Variants in ATXN1 observed in about 807,000 individuals in gnomAD.
The protein encoded by ATXN1 is ataxin-1.
Under a neutral mutation model 56.4 loss-of-function variants are expected in ATXN1, and 8 were observed. The observed-to-expected ratio is 0.14, with a 90% confidence interval of 0.08 to 0.26. The LOEUF (loss-of-function observed/expected upper bound fraction) is 0.26. Ranked by LOEUF, ATXN1 falls within the 10% of genes least tolerant of loss-of-function variation. The probability of loss-of-function intolerance (pLI) is 1.00; values close to 1 mark genes in which losing one functional copy is unlikely to be tolerated. For missense variants in ATXN1, 987 were observed against 1,106.5 expected (o/e 0.89, Z 1.53); for synonymous variants, 514 against 494.6 (o/e 1.04, Z -0.52).
At chr6:16,504,612 G>C (rs1412400319) in intron 5 of ATXN1, among the ~76,000 whole-genome samples, 3 of 152,024 alleles carry the variant, frequency 2.0e-5, no homozygotes. Flanking sequence ...CTCACACTTG[G>C]AGAAGCAAAA....
chr6:16,416,337 G>T (rs1329060989), intron 6 of ATXN1, among the ~76,000 whole-genome samples: 1 of 152,168 alleles, frequency 6.6e-6, no homozygotes, highest in Non-Finnish European at 1.5e-5. Flanking sequence ...ATCTAAATTA[G>T]AGAGATTTTA....
intron 3 of ATXN1, among the ~76,000 whole-genome samples, chr6:16,602,588 A>C (rs1337224325): frequency 6.6e-6 from 1 of 151,906 alleles, no homozygotes; most frequent in Non-Finnish European, 1.5e-5. Context: ...AGTAGCTGGG[A>C]CTACAGGCGC....
chr6:16,346,233 T>C (rs1483554509), intron 6 of ATXN1, among the ~76,000 whole-genome samples: 1 of 152,082 alleles, frequency 6.6e-6, no homozygotes, highest in Non-Finnish European at 1.5e-5. Flanking sequence ...TTTTTGTACT[T>C]TTTTCAGACA....
intron 4 of ATXN1, among the ~76,000 whole-genome samples, chr6:16,566,273 C>A (rs560236302): frequency 1.3e-5 from 2 of 152,010 alleles, no homozygotes; most frequent in East Asian, 3.9e-4. Flanking sequence ...AATACAATGC[C>A]CTATTCTGTT....
chr6:16,502,403 A>C (rs1760902140), intron 5 of ATXN1, among the ~76,000 whole-genome samples: 1 of 152,204 alleles, frequency 6.6e-6, no homozygotes, highest in Non-Finnish European at 1.5e-5. Context: ...ACTTTATATC[A>C]AGACATTTAA....
At chr6:16,348,465 AG>A (rs969267447) in intron 6 of ATXN1, among the ~76,000 whole-genome samples, 21 of 152,030 alleles carry the variant, frequency 1.4e-4, no homozygotes, top group African/African-American at 4.6e-4. Flanking sequence ...TCAGAGGCCG[AG>A]GGGGGGCAGA....
chr6:16,398,445 G>C (rs1463701922), intron 6 of ATXN1, among the ~76,000 whole-genome samples: 1 of 152,100 alleles, frequency 6.6e-6, no homozygotes. Flanking sequence ...ACTTAATGGT[G>C]AAAATAATAT....
intron 6 of ATXN1, among the ~76,000 whole-genome samples, chr6:16,453,058 T>G (rs1759784492): frequency 6.6e-6 from 1 of 152,172 alleles, no homozygotes; most frequent in Admixed American, 6.5e-5. Flanking sequence ...TTATAAAATT[T>G]TATTAGATTT....
chr6:16,550,555 TG>T (rs1761902067), intron 4 of ATXN1, among the ~76,000 whole-genome samples: 1 of 152,256 alleles, frequency 6.6e-6, no homozygotes, highest in African/African-American at 2.4e-5. Flanking sequence ...GTGCCTTTCA[TG>T]CATAATAGTT....
At chr6:16,596,016 C>T (rs1268255307) in intron 3 of ATXN1, among the ~76,000 whole-genome samples, 3 of 152,018 alleles carry the variant, frequency 2.0e-5, no homozygotes, top group Admixed American at 6.6e-5. Flanking sequence ...TTTTATTTTT[C>T]AGAGACTGAA....
intron 6 of ATXN1, among the ~76,000 whole-genome samples, chr6:16,457,716 T>C (rs1015267404): frequency 7.2e-5 from 11 of 152,176 alleles, no homozygotes; most frequent in Non-Finnish European, 8.8e-5. Flanking sequence ...AAGCTGGCGA[T>C]TTACATTCCA....
At chr6:16,732,441 G>C (rs1188455189) in intron 2 of ATXN1, among the ~76,000 whole-genome samples, 1 of 152,138 alleles carries the variant, frequency 6.6e-6, no homozygotes, top group East Asian at 1.9e-4. Context: ...CGTGCTAATG[G>C]GTGCCTGTAA....
chr6:16,754,585 T>C (rs1160356922), intron 1 of ATXN1: 1 of 152,230 alleles, frequency 6.6e-6, no homozygotes, highest in Non-Finnish European at 1.5e-5. Flanking sequence ...GAAAATAACT[T>C]CCACTTCTTT....
chr6:16,323,740 T>G (rs1760738577), intron 7 of ATXN1, among the ~76,000 whole-genome samples: 1 of 152,004 alleles, frequency 6.6e-6, no homozygotes, highest in Non-Finnish European at 1.5e-5. Flanking sequence ...CTAAGTACCA[T>G]GAAAAGCAAT....
intron 6 of ATXN1, among the ~76,000 whole-genome samples, chr6:16,474,368 G>C (rs957493935): frequency 6.6e-6 from 1 of 152,240 alleles, no homozygotes; most frequent in Non-Finnish European, 1.5e-5. Context: ...GCTCAGACTA[G>C]TCTACTGGAG....
intron 4 of ATXN1, among the ~76,000 whole-genome samples, chr6:16,565,442 C>A (rs770527440): frequency 3.9e-5 from 6 of 152,156 alleles, no homozygotes; most frequent in Admixed American, 3.9e-4. Flanking sequence ...AAAGTAATCT[C>A]TAACATCATA....
chr6:16,581,220 TGTGTGC>T (rs1237873683), intron 4 of ATXN1, among the ~76,000 whole-genome samples: 2,075 of 133,072 alleles, frequency 0.016, 68 homozygotes, highest in African/African-American at 0.055. Context: ...TGTGTGTGTG[TGTGTGC>T]GCGCGTGTGT....
intron 6 of ATXN1, among the ~76,000 whole-genome samples, chr6:16,484,269 C>T (rs939010277): frequency 3.3e-5 from 5 of 151,824 alleles, no homozygotes; most frequent in Non-Finnish European, 7.4e-5. Context: ...TCTGTCTCTA[C>T]CAAAAATACA....
intron 6 of ATXN1, among the ~76,000 whole-genome samples, chr6:16,420,955 T>C (rs2113565516): frequency 6.6e-6 from 1 of 152,314 alleles, no homozygotes; most frequent in East Asian, 1.9e-4. Context: ...TGTAGTTGAT[T>C]TTCCCCATCT....
Sources: allele counts gnomAD v4.1 joint callset (sites outside exome capture counted in the v4.1 genomes callset), GRCh38; gene constraint gnomAD v4.1.1; transcripts MANE v1.5; gene names NCBI Gene and HGNC (gene_info 2026-07-23, HGNC 2026-07-21).